EPHA6: variants seen among roughly 807,000 people sequenced by gnomAD.
The protein encoded by EPHA6 is ephrin type-A receptor 6.
Under a neutral mutation model 112.0 loss-of-function variants are expected in EPHA6, and 50 were observed. The ratio of observed to expected loss-of-function variants is 0.45; its 90% CI spans 0.36 to 0.56. The LOEUF is 0.56. Among genes scored for constraint, EPHA6 ranks in the 20% least tolerant of loss-of-function variants. The pLI is 0.00. For missense variants in EPHA6, 1,280 were observed against 1,417.4 expected, an observed-to-expected ratio of 0.90 and a Z score of 1.56; for synonymous variants, 529 against 490.7, an observed-to-expected ratio of 1.08 and a Z score of -1.03.
At chr3:96,945,835 A>G (rs1191337971) in intron 2 of EPHA6, among the ~76,000 whole-genome samples, 1 of 152,176 alleles carries the variant, frequency 6.6e-6, no homozygotes, top group Admixed American at 6.5e-5. Context: ...ACATTGATAC[A>G]TTGTTATCAA....
At chr3:97,642,407 T>C (rs2094016493) in intron 14 of EPHA6, among the ~76,000 whole-genome samples, 1 of 143,368 alleles carries the variant, frequency 7.0e-6, no homozygotes, top group Admixed American at 7.0e-5. Flanking sequence ...AGGAACGCAG[T>C]TCCTCACCAG....
chr3:97,203,473 A>G (rs2077632012), intron 3 of EPHA6, among the ~76,000 whole-genome samples: 1 of 152,164 alleles, frequency 6.6e-6, no homozygotes, highest in African/African-American at 2.4e-5. Context: ...AAAGCATCAT[A>G]CCCAATTTTT....
rs12637122 is a variant in EPHA6, at chr3:97,336,125, C to T, written c.1607-69025C>T. Among the ~76,000 whole-genome samples, 1,231 of 152,168 alleles carry T rather than the reference C, an allele frequency of 8.1e-3. 65 individuals are homozygous for T. In the East Asian group the frequency reaches 0.12, roughly 15 times the overall value. On this transcript the variant is annotated intron_variant, in intron 5 of 17. Transcript: ENST00000389672. ...CTCCAGTTGCATGACTCCTAAAGCA[C>T]AATTTCTAATCTTGTGGCTAATTTC...
intron 12 of EPHA6, among the ~76,000 whole-genome samples, chr3:97,607,359 G>C (rs1334666951): frequency 1.3e-5 from 2 of 150,952 alleles, no homozygotes; most frequent in African/African-American, 4.8e-5. Flanking sequence ...AAGTATTAGG[G>C]AACATTTGAA....
intron 2 of EPHA6, among the ~76,000 whole-genome samples, chr3:96,972,684 C>T (rs543164953): frequency 2.0e-5 from 3 of 152,206 alleles, no homozygotes; most frequent in Admixed American, 6.5e-5. Flanking sequence ...GGGATACATA[C>T]GCAAGCACAC....
chr3:97,098,747 T>C (rs1264408712), intron 3 of EPHA6, among the ~76,000 whole-genome samples: 1 of 151,858 alleles, frequency 6.6e-6, no homozygotes, highest in Non-Finnish European at 1.5e-5. Context: ...TCGTAGTCTG[T>C]ATTATAACAC....
chr3:96,949,690 G>A (rs2041444240), intron 2 of EPHA6, among the ~76,000 whole-genome samples: 2 of 152,010 alleles, frequency 1.3e-5, no homozygotes, highest in African/African-American at 4.8e-5. Flanking sequence ...TTGACTAAAT[G>A]CAAATACATT....
Position 97,086,941 on chromosome 3 carries a change from C to T in EPHA6, c.1114+98948C>T, listed in dbSNP as rs74398119. On this transcript the variant is annotated intron_variant, in intron 3 of 17. Coordinates refer to ENST00000389672, the MANE Select transcript of EPHA6 (RefSeq NM_001080448.3). ...TAAATCATATGCAATTATCAGTGAA[C>T]GAATAAGATTCATTGCTTTTAGTAT... is the stretch of plus-strand genomic sequence containing the variant. Among the ~76,000 whole-genome samples, 307 of 152,010 alleles carry T rather than the reference C, an allele frequency of 2.0e-3. 6 individuals carry two copies. In the East Asian group the frequency reaches 0.037, roughly 18 times the overall value.
At chr3:97,000,004 C>T (rs1022045816) in intron 3 of EPHA6, among the ~76,000 whole-genome samples, 7 of 151,752 alleles carry the variant, frequency 4.6e-5, no homozygotes, top group African/African-American at 1.7e-4. Context: ...TGACTGAACC[C>T]ATCTGTTCCT....
chr3:97,343,102 A>G (rs997310590), intron 5 of EPHA6, among the ~76,000 whole-genome samples: 2 of 152,190 alleles, frequency 1.3e-5, no homozygotes, highest in Non-Finnish European at 2.9e-5. Flanking sequence ...CAAGGTAAAA[A>G]GAAGAAAGCT....
At chr3:97,191,691 T>TCCACTA (rs2077311323) in intron 3 of EPHA6, among the ~76,000 whole-genome samples, 1 of 152,200 alleles carries the variant, frequency 6.6e-6, no homozygotes, top group African/African-American at 2.4e-5. Context: ...ACTGTGTATA[T>TCCACTA]GTACCACATT....
chr3:97,361,508 G>T (rs1200292433), intron 5 of EPHA6, among the ~76,000 whole-genome samples: 1 of 152,088 alleles, frequency 6.6e-6, no homozygotes, highest in African/African-American at 2.4e-5. Context: ...AATTTAAAAA[G>T]AATTTATTTC....
chr3:97,287,945 C>T (rs1040242273), intron 5 of EPHA6, among the ~76,000 whole-genome samples: 14 of 151,782 alleles, frequency 9.2e-5, no homozygotes, highest in Admixed American at 7.9e-4. Flanking sequence ...GAATTCCCTC[C>T]TCTGCAATTT....
intron 3 of EPHA6, among the ~76,000 whole-genome samples, chr3:97,150,381 TAGAGTAAA>T (rs1379772381): frequency 3.9e-5 from 6 of 152,170 alleles, no homozygotes; most frequent in Admixed American, 3.9e-4. Flanking sequence ...TGTCTTCCTG[TAGAGTAAA>T]GGACATGTTT....
At chr3:97,604,094 G>T (rs950123563) in intron 12 of EPHA6, among the ~76,000 whole-genome samples, 3 of 151,640 alleles carry the variant, frequency 2.0e-5, no homozygotes, top group African/African-American at 7.3e-5. Flanking sequence ...CCACCCTAAG[G>T]AGGAGGCTAT....
At chr3:97,050,174 G>A (rs538776209) in intron 3 of EPHA6, among the ~76,000 whole-genome samples, 3 of 152,230 alleles carry the variant, frequency 2.0e-5, no homozygotes, top group South Asian at 4.2e-4. Flanking sequence ...GGCAGGTTAG[G>A]ATCACAGCGT....
chr3:97,383,470 A>G (rs529856774), intron 5 of EPHA6, among the ~76,000 whole-genome samples: 2 of 152,226 alleles, frequency 1.3e-5, no homozygotes, highest in African/African-American at 2.4e-5. Flanking sequence ...GCTTATTGGC[A>G]TGATTTCTAG....
At chr3:97,093,959 A>G (rs1235584814) in intron 3 of EPHA6, among the ~76,000 whole-genome samples, 4 of 152,068 alleles carry the variant, frequency 2.6e-5, no homozygotes, top group Non-Finnish European at 5.9e-5. Context: ...GTCAGTAACT[A>G]TATCGCTTCA....
intron 5 of EPHA6, among the ~76,000 whole-genome samples, chr3:97,330,747 A>G (rs1230587219): frequency 6.6e-6 from 1 of 152,136 alleles, no homozygotes. Flanking sequence ...TTCATAAAAC[A>G]AGTCCTTAGA....
Sources: allele counts gnomAD v4.1 joint callset (sites outside exome capture counted in the v4.1 genomes callset), GRCh38; gene constraint gnomAD v4.1.1; transcripts MANE v1.5; gene names NCBI Gene and HGNC (gene_info 2026-07-23, HGNC 2026-07-21).